Variants in PRIM2 observed in about 807,000 individuals in gnomAD.
The protein encoded by PRIM2 is DNA primase subunit 2, also known as DNA primase large subunit.
Under a neutral mutation model 67.3 loss-of-function variants are expected in PRIM2, and 39 were observed. The observed-to-expected ratio is 0.58, with a 90% confidence interval of 0.45 to 0.76. The LOEUF is 0.76. PRIM2 is among the 30% of genes least tolerant of loss of function. The probability of loss-of-function intolerance (pLI) is 0.00; values close to 1 mark genes in which losing one functional copy is unlikely to be tolerated. For missense variants in PRIM2, 398 were observed against 598.7 expected (o/e 0.66, Z 3.50); for synonymous variants, 143 against 198.7 (o/e 0.72, Z 2.36).
At chr6:57,331,831 G>A (rs530929371) in intron 5 of PRIM2, among the ~76,000 whole-genome samples, 14 of 151,726 alleles carry the variant, frequency 9.2e-5, no homozygotes, top group African/African-American at 3.4e-4. Flanking sequence ...AGTGTTACTG[G>A]ATTTGTTCAA....
At chr6:57,550,894 A>T (rs1775387944) in intron 10 of PRIM2, among the ~76,000 whole-genome samples, 1 of 152,178 alleles carries the variant, frequency 6.6e-6, no homozygotes, top group Non-Finnish European at 1.5e-5. Flanking sequence ...CAGACTTCTG[A>T]TACTGAAGGA....
At chr6:57,642,337 C>T (rs1317479820) in intron 13 of PRIM2, among the ~76,000 whole-genome samples, 1 of 150,752 alleles carries the variant, frequency 6.6e-6, no homozygotes, top group Non-Finnish European at 1.5e-5. Context: ...GTAACCTGCA[C>T]GTTCTGCACA....
chr6:57,294,938 G>A, the PRIM2 span, among the ~76,000 whole-genome samples: 3 of 151,880 alleles, frequency 2.0e-5, no homozygotes, highest in Non-Finnish European at 1.5e-5. Flanking sequence ...AGCCTCCCCA[G>A]TAGCTGGGAC....
chr6:57,595,457 A>G (rs1776348732), intron 10 of PRIM2, among the ~76,000 whole-genome samples: 2 of 152,008 alleles, frequency 1.3e-5, no homozygotes, highest in Admixed American at 6.6e-5. Context: ...GACACTAACT[A>G]GAGCTCGTGC....
chr6:57,631,432 G>C (rs1377565751), intron 12 of PRIM2, among the ~76,000 whole-genome samples: 1 of 152,038 alleles, frequency 6.6e-6, no homozygotes, highest in Non-Finnish European at 1.5e-5. Context: ...AAGGATGGGA[G>C]TTTGCACCGC....
At chr6:57,639,282 T>G (rs1247444673) in intron 13 of PRIM2, among the ~76,000 whole-genome samples, 1 of 152,084 alleles carries the variant, frequency 6.6e-6, no homozygotes, top group Non-Finnish European at 1.5e-5. Context: ...TAGCCCTAAA[T>G]GCCCACAAGA....
chr6:57,285,362 G>A, the PRIM2 span, among the ~76,000 whole-genome samples: 1 of 152,034 alleles, frequency 6.6e-6, no homozygotes, highest in African/African-American at 2.4e-5. Context: ...ACACTGATGC[G>A]AAAATCCTCA....
intron 13 of PRIM2, among the ~76,000 whole-genome samples, chr6:57,643,941 A>G (rs1269798689): frequency 6.6e-6 from 1 of 152,096 alleles, no homozygotes; most frequent in African/African-American, 2.4e-5. Flanking sequence ...ACCAGAAAAG[A>G]CTCATGTTTC....
chr6:57,357,526 T>C (rs1769069825), intron 5 of PRIM2, among the ~76,000 whole-genome samples: 2 of 152,150 alleles, frequency 1.3e-5, no homozygotes, highest in Admixed American at 1.3e-4. Flanking sequence ...TCATCTGTCA[T>C]GTATCAGCTT....
intron 5 of PRIM2, among the ~76,000 whole-genome samples, chr6:57,352,321 T>G (rs1768883444): frequency 6.6e-6 from 1 of 151,954 alleles, no homozygotes; most frequent in Non-Finnish European, 1.5e-5. Context: ...GCTCACGGCA[T>G]CCTCCGCCTC....
chr6:57,554,864 C>T (rs1377375656), intron 10 of PRIM2, among the ~76,000 whole-genome samples: 3 of 152,304 alleles, frequency 2.0e-5, no homozygotes, highest in African/African-American at 7.2e-5. Context: ...AATGTGTTTT[C>T]GTTCTTTCAG....
chr6:57,422,211 A>G lies in PRIM2; in HGVS notation c.693+40043A>G, dbSNP rs115547416. Among the ~76,000 whole-genome samples the G allele has an allele frequency of 6.8e-3, 891 of 130,944 alleles. 7 individuals carry two copies. Among genetic ancestry groups the G allele is most frequent in the Non-Finnish European group, 9.3e-3 (593 of 64,090 alleles). The allele number at this position is 130,944 out of a possible 152,430, so 85.9% of individuals were successfully genotyped here. On this transcript the variant is annotated intron_variant, in intron 7 of 13. Transcript: ENST00000615550. Reference sequence around the variant, plus strand: ...TCTCAGTCGCCCAGGCTGGAATGCAATGGTGTGATCTCGGCTCACTGCAAC... The same window carrying G: ...TCTCAGTCGCCCAGGCTGGAATGCAGTGGTGTGATCTCGGCTCACTGCAAC...
In PRIM2 at chr6:57,590,950, G is replaced by C. The variant is rs1158720926; in HGVS notation, c.1021-10143G>C. ...TAAACTGTCCAAGGTCACACAGCTA[G>C]CATGTAGTAGAGACAATATTTAAAC... On this transcript the variant is annotated intron_variant, in intron 10 of 13. Coordinates refer to ENST00000615550, the MANE Select transcript of PRIM2 (RefSeq NM_000947.5). Among the ~76,000 whole-genome samples the C allele has an allele frequency of 1.4e-3, 208 of 152,310 alleles. 1 individual carries two copies. Among genetic ancestry groups the C allele is most frequent in the African/African-American group, 4.8e-3 (198 of 41,564 alleles).
intron 5 of PRIM2, among the ~76,000 whole-genome samples, chr6:57,346,265 T>C (rs1334949806): frequency 2.6e-5 from 4 of 152,180 alleles, no homozygotes; most frequent in Admixed American, 6.5e-5. Flanking sequence ...CTTTTGGCAG[T>C]GTTACTCATG....
At chr6:57,334,260 A>G (rs970287131) in intron 5 of PRIM2, among the ~76,000 whole-genome samples, 6 of 152,024 alleles carry the variant, frequency 3.9e-5, no homozygotes, top group East Asian at 1.9e-4. Flanking sequence ...TTATGACTCA[A>G]TATTATTCCG....
the PRIM2 span, among the ~76,000 whole-genome samples, chr6:57,241,838 A>G: frequency 1.3e-5 from 2 of 149,128 alleles, no homozygotes; most frequent in African/African-American, 5.0e-5. Flanking sequence ...ACGCCTGGCT[A>G]ATTTTTTGTA....
chr6:57,465,860 T>C (rs936972242), intron 7 of PRIM2, among the ~76,000 whole-genome samples: 1 of 152,112 alleles, frequency 6.6e-6, no homozygotes, highest in Non-Finnish European at 1.5e-5. Context: ...CTGGGATACA[T>C]GTGCAGAACG....
intron 7 of PRIM2, among the ~76,000 whole-genome samples, chr6:57,422,268 C>T (rs1321025552): frequency 6.8e-6 from 1 of 147,874 alleles, no homozygotes; most frequent in Non-Finnish European, 1.5e-5. Context: ...ATTCTCCCAC[C>T]TCAGCCTCCC....
At chr6:57,544,460 T>A (rs1188232326) in intron 10 of PRIM2, among the ~76,000 whole-genome samples, 1 of 152,216 alleles carries the variant, frequency 6.6e-6, no homozygotes, top group Non-Finnish European at 1.5e-5. Context: ...TGATGGTGCT[T>A]GTCCAAGATG....
Sources: gnomAD v4.1 joint callset for allele counts (sites outside exome capture counted in the v4.1 genomes callset) on GRCh38, gnomAD v4.1.1 for gene constraint, MANE v1.5 for transcripts, NCBI Gene and HGNC (gene_info 2026-07-23, HGNC 2026-07-21) for gene names.